NXPE2: variants seen among roughly 807,000 people sequenced by gnomAD.
The protein encoded by NXPE2 is NXPE family member 2.
Under a neutral mutation model 34.4 loss-of-function variants are expected in NXPE2, and 34 were observed. The observed-to-expected ratio is 0.99, with a 90% confidence interval of 0.75 to 1.31. NXPE2 has a LOEUF of 1.31. NXPE2 is among the 40% of genes most tolerant of loss of function. NXPE2 has a pLI of 0.00. For missense variants in NXPE2, 649 were observed against 672.5 expected, an observed-to-expected ratio of 0.97 and a Z score of 0.39; for synonymous variants, 235 against 231.3, an observed-to-expected ratio of 1.02 and a Z score of -0.15.
At chr11:114,534,600 G>A in the NXPE2 span, among the ~76,000 whole-genome samples, 7 of 152,196 alleles carry the variant, frequency 4.6e-5, no homozygotes, top group African/African-American at 9.6e-5. Flanking sequence ...AGGACCTGAT[G>A]GAGCTGAAAA....
the NXPE2 span, among the ~76,000 whole-genome samples, chr11:114,667,794 A>G: frequency 6.6e-6 from 1 of 152,126 alleles, no homozygotes; most frequent in Non-Finnish European, 1.5e-5. Context: ...TCAGATGATG[A>G]GCGTATCTCC....
At chr11:114,511,392 C>A in the NXPE2 span, among the ~76,000 whole-genome samples, 2 of 152,226 alleles carry the variant, frequency 1.3e-5, no homozygotes, top group East Asian at 3.9e-4. Flanking sequence ...ACTCCGAGGC[C>A]ATAAGCATGA....
At chr11:114,634,234 T>C in the NXPE2 span, among the ~76,000 whole-genome samples, 1 of 152,044 alleles carries the variant, frequency 6.6e-6, no homozygotes, top group Non-Finnish European at 1.5e-5. Context: ...CATTTTTTCA[T>C]GTGTTTTTTG....
chr11:114,574,720 A>C, the NXPE2 span, among the ~76,000 whole-genome samples: 1 of 151,978 alleles, frequency 6.6e-6, no homozygotes, highest in Non-Finnish European at 1.5e-5. Flanking sequence ...TGCCAACACA[A>C]AAAGTTCAGG....
At chr11:114,730,276 C>T in the NXPE2 span, among the ~76,000 whole-genome samples, 1 of 151,942 alleles carries the variant, frequency 6.6e-6, no homozygotes, top group Non-Finnish European at 1.5e-5. Context: ...CATTTTTGTA[C>T]CAGTACCATG....
At chr11:114,796,586 T>G in the NXPE2 span, among the ~76,000 whole-genome samples, 1 of 152,204 alleles carries the variant, frequency 6.6e-6, no homozygotes, top group African/African-American at 2.4e-5. Context: ...AAAGGCATAG[T>G]GAATCACCCA....
At chr11:114,629,738 T>C in the NXPE2 span, among the ~76,000 whole-genome samples, 1 of 151,654 alleles carries the variant, frequency 6.6e-6, no homozygotes, top group Non-Finnish European at 1.5e-5. Context: ...ATTGTCCCTG[T>C]TTGCAGACGA....
the NXPE2 span, among the ~76,000 whole-genome samples, chr11:114,560,310 G>T: frequency 1.2e-4 from 14 of 121,562 alleles, no homozygotes; most frequent in Admixed American, 7.4e-4. Context: ...TTGCTCTGTT[G>T]CCCAGGCTGG....
chr11:114,659,516 CAA>C, the NXPE2 span, among the ~76,000 whole-genome samples: 1 of 150,316 alleles, frequency 6.7e-6, no homozygotes, highest in Non-Finnish European at 1.5e-5. Context: ...AGTGGTCTAA[CAA>C]AAAAAGTTTG....
the NXPE2 span, among the ~76,000 whole-genome samples, chr11:114,805,212 G>A: frequency 7.4e-5 from 11 of 148,340 alleles, no homozygotes; most frequent in African/African-American, 2.5e-4. Context: ...TTTTAAAAAA[G>A]GTAGGGAGGG....
the NXPE2 span, among the ~76,000 whole-genome samples, chr11:114,577,462 C>T: frequency 2.0e-5 from 3 of 151,932 alleles, no homozygotes; most frequent in Non-Finnish European, 4.4e-5. Context: ...ACTGCTCGGG[C>T]GATGGGTGCA....
chr11:114,797,009 G>A, the NXPE2 span, among the ~76,000 whole-genome samples: 4 of 152,214 alleles, frequency 2.6e-5, no homozygotes, highest in Non-Finnish European at 5.9e-5. Flanking sequence ...AGATGTAAAC[G>A]GAATCTGTGT....
At chr11:114,654,968 C>T in the NXPE2 span, among the ~76,000 whole-genome samples, 11 of 152,180 alleles carry the variant, frequency 7.2e-5, no homozygotes, top group African/African-American at 2.7e-4. Flanking sequence ...TTCTCTACAG[C>T]CTTGCCAGCA....
the NXPE2 span, among the ~76,000 whole-genome samples, chr11:114,482,895 T>C: frequency 6.6e-6 from 1 of 152,160 alleles, no homozygotes; most frequent in African/African-American, 2.4e-5. Context: ...TTCAGCCAAT[T>C]GTTAGTTGTA....
At chr11:114,601,506 A>AATTATAT in the NXPE2 span, among the ~76,000 whole-genome samples, 3 of 19,844 alleles carry the variant, frequency 1.5e-4, no homozygotes, top group African/African-American at 4.6e-4. Flanking sequence ...ATAGTATATA[A>AATTATAT]ATTATATATT....
chr11:114,728,456 T>C, the NXPE2 span, among the ~76,000 whole-genome samples: 1 of 152,104 alleles, frequency 6.6e-6, no homozygotes, highest in African/African-American at 2.4e-5. Context: ...TAATTAACTT[T>C]TGTTGTTTGC....
chr11:114,769,612 C>T, the NXPE2 span, among the ~76,000 whole-genome samples: 49,662 of 152,024 alleles, frequency 0.33, 8,951 homozygotes, highest in East Asian at 0.43. Context: ...ACATATACAC[C>T]ATGGAATACT....
At chr11:114,472,887 T>TG in the NXPE2 span, among the ~76,000 whole-genome samples, 23 of 152,096 alleles carry the variant, frequency 1.5e-4, no homozygotes, top group East Asian at 1.7e-3. Flanking sequence ...GAAATGAAGG[T>TG]GGGGGGGTTG....
chr11:114,778,907 CAAAG>C, the NXPE2 span, among the ~76,000 whole-genome samples: 1 of 152,164 alleles, frequency 6.6e-6, no homozygotes, highest in Admixed American at 6.5e-5. Context: ...TCCATTGTGA[CAAAG>C]AACCCGTTGT....
Sources: allele counts gnomAD v4.1 joint callset (sites outside exome capture counted in the v4.1 genomes callset), GRCh38; gene constraint gnomAD v4.1.1; transcripts MANE v1.5; gene names NCBI Gene and HGNC (gene_info 2026-07-23, HGNC 2026-07-21).